SCUBE1: variants seen among roughly 807,000 people sequenced by gnomAD.
The protein encoded by SCUBE1 is signal peptide, CUB domain and EGF like domain containing 1, also known as signal peptide, CUB and EGF-like domain-containing protein 1.
Under a neutral mutation model 124.4 loss-of-function variants are expected in SCUBE1, and 59 were observed. That is an observed-to-expected ratio of 0.47 (90% CI 0.38 to 0.59). The LOEUF is 0.59. SCUBE1 is among the 20% of genes least tolerant of loss of function. SCUBE1 has a pLI of 0.00. For synonymous variants in SCUBE1, 545 were observed against 550.9 expected, an observed-to-expected ratio of 0.99 and a Z score of 0.15; for missense variants, 1,150 against 1,371.2, an observed-to-expected ratio of 0.84 and a Z score of 2.55.
chr22:43,336,953 ATGTC>A (rs927838491), intron 2 of SCUBE1, among the ~76,000 whole-genome samples: 2 of 142,660 alleles, frequency 1.4e-5, no homozygotes, highest in African/African-American at 5.4e-5. Flanking sequence ...GTCTGTGTGT[ATGTC>A]TGTGTGTGTG....
At chr22:43,249,841 G>T (rs1019149534) in intron 6 of SCUBE1, among the ~76,000 whole-genome samples, 19 of 152,238 alleles carry the variant, frequency 1.2e-4, no homozygotes, top group Admixed American at 7.8e-4. Flanking sequence ...GATGGCTGGG[G>T]AGACAGGTCT....
chr22:43,335,756 G>A (rs1041627311), intron 2 of SCUBE1, among the ~76,000 whole-genome samples: 18 of 151,638 alleles, frequency 1.2e-4, no homozygotes, highest in African/African-American at 3.6e-4. Context: ...TGATGATGAT[G>A]ATGATGATGG....
At position 43,210,873 on chromosome 22, in the gene SCUBE1, C is replaced by CT. The variant is rs1448701307; in HGVS notation, c.2383+48_2383+49insA. On this transcript the variant is annotated intron_variant, in intron 18 of 21. Transcript: ENST00000360835. The surrounding 1 kb of genome is among the most constrained non-coding windows in gnomAD (Gnocchi z 4.5). ...TCTCCTCCCGCCCCCACAACCTGCCCAGCCCCTCCCGTGTTCCCAGCTTCC... is the reference window on the plus strand; with the variant it reads ...TCTCCTCCCGCCCCCACAACCTGCCCTAGCCCCTCCCGTGTTCCCAGCTTCC... The CT allele has an allele frequency of 8.1e-6, 13 of 1,608,612 alleles. No homozygotes were observed. The highest frequency in any genetic ancestry group is 2.7e-5 in the African/African-American group (2 of 74,880).
At chr22:43,285,969 C>T (rs913817961) in intron 4 of SCUBE1, among the ~76,000 whole-genome samples, 1 of 152,210 alleles carries the variant, frequency 6.6e-6, no homozygotes, top group East Asian at 1.9e-4. Flanking sequence ...CCTCTTGATC[C>T]TCTCCCTCCC....
chr22:43,229,338 G>C, intron 8 of SCUBE1, 150 bp from the exon 9 acceptor site: 1 of 650,492 alleles, frequency 1.5e-6, no homozygotes, highest in Non-Finnish European at 2.8e-6. Flanking sequence ...CAGGAAATGG[G>C]AGACTCCTTG....
chr22:43,319,346 C>T (rs1243035255), intron 3 of SCUBE1, among the ~76,000 whole-genome samples: 1 of 151,994 alleles, frequency 6.6e-6, no homozygotes, highest in Non-Finnish European at 1.5e-5. Context: ...GCAGGCGGAT[C>T]ACAAGGTCAG....
At chr22:43,325,400 G>T (rs991482069) in intron 2 of SCUBE1, among the ~76,000 whole-genome samples, 2 of 141,996 alleles carry the variant, frequency 1.4e-5, no homozygotes, top group African/African-American at 5.4e-5. Flanking sequence ...CCGAGATCGC[G>T]CCGTTGCACT....
intron 4 of SCUBE1, among the ~76,000 whole-genome samples, chr22:43,286,153 G>C (rs1202402933): frequency 6.6e-6 from 1 of 152,252 alleles, no homozygotes; most frequent in African/African-American, 2.4e-5. Flanking sequence ...ACATGAATAA[G>C]AGCCCGTGTT....
intron 6 of SCUBE1, among the ~76,000 whole-genome samples, chr22:43,242,987 C>T (rs926812186): frequency 2.0e-5 from 3 of 152,196 alleles, no homozygotes; most frequent in Non-Finnish European, 2.9e-5. Flanking sequence ...TGGAACCCAG[C>T]GCAAAATAAA....
At chr22:43,340,710 A>G (rs1927285875) in intron 1 of SCUBE1, among the ~76,000 whole-genome samples, 1 of 152,152 alleles carries the variant, frequency 6.6e-6, no homozygotes, top group Admixed American at 6.5e-5. Flanking sequence ...ACACAGAATG[A>G]GCTTTCCTAT....
chr22:43,342,269 G>A (rs1455347826), intron 1 of SCUBE1, among the ~76,000 whole-genome samples: 1 of 151,726 alleles, frequency 6.6e-6, no homozygotes, highest in Non-Finnish European at 1.5e-5. Flanking sequence ...GAGGGTGGGG[G>A]GGTCCCCGTG....
Position 43,210,006 on chromosome 22 carries a change from C to G in SCUBE1, c.2581+37G>C. On this transcript the variant is annotated intron_variant, in intron 19 of 21. Transcript: ENST00000360835. The surrounding 1 kb of genome is among the most constrained non-coding windows in gnomAD (Gnocchi z 4.5). ...CAGCGAGACGGGGGTGCACACGCAG[C>G]TGAGGCTGCCTCTGGTCCCCTCGGC... The G allele has an allele frequency of 6.4e-7, 1 of 1,558,346 alleles. No individual in the cohort carries two copies. Among genetic ancestry groups the G allele is most frequent in the Non-Finnish European group, 8.7e-7 (1 of 1,149,344 alleles).
At chr22:43,236,096 G>A (rs149117715) in intron 7 of SCUBE1, among the ~76,000 whole-genome samples, 357 of 152,280 alleles carry the variant, frequency 2.3e-3, no homozygotes, top group Non-Finnish European at 3.0e-3. Context: ...CAGAAAACGT[G>A]GAGCCTTTGA....
At position 43,285,035 on chromosome 22, in the gene SCUBE1, C is replaced by A. The variant is rs370174713; in HGVS notation, c.484+6011G>T. The stretch of plus-strand genomic sequence containing the variant: ...AGAAGGTGAAACGCACTTGGGTAAA[C>A]TCATGCAGTCCTTGCGGGGAGAACC... On this transcript the variant is annotated intron_variant, in intron 4 of 21. Coordinates refer to ENST00000360835, the MANE Select transcript of SCUBE1 (RefSeq NM_173050.5). 3.3e-5 allele frequency among the ~76,000 whole-genome samples: 5 copies of A among 152,286 alleles called. No individual in the cohort carries two copies. The South Asian group carries it at 6.2e-4, about 19-fold the overall frequency.
rs1921019953 is a variant in SCUBE1, at chr22:43,201,807, T to C, written c.*2190A>G. The stretch of plus-strand genomic sequence containing the variant: ...CTGTATCCTCTGGGTTCTGATTCTC[T>C]GGAGAACACTCGTGAAGAGGCGACA... On this transcript the variant is annotated 3_prime_UTR_variant, in exon 22 of 22. Coordinates refer to ENST00000360835, the MANE Select transcript of SCUBE1 (RefSeq NM_173050.5). The C allele has an allele frequency of 6.6e-6, 1 of 152,258 alleles. No individual in the cohort carries two copies. Among genetic ancestry groups the C allele is most frequent in the Non-Finnish European group, 1.5e-5 (1 of 68,052 alleles). 9.4% of individuals were successfully genotyped at this position (152,258 alleles called of 1,614,324 possible).
At chr22:43,250,765 C>A (rs1429086364) in intron 6 of SCUBE1, among the ~76,000 whole-genome samples, 2 of 152,216 alleles carry the variant, frequency 1.3e-5, no homozygotes, top group Non-Finnish European at 2.9e-5. Context: ...CCCTAGCCTG[C>A]AGCTCAGGCC....
intron 3 of SCUBE1, among the ~76,000 whole-genome samples, chr22:43,316,389 T>C (rs1276572961): frequency 6.6e-6 from 1 of 152,236 alleles, no homozygotes; most frequent in African/African-American, 2.4e-5. Flanking sequence ...GTCGGCTCTG[T>C]CTTCACTGAC....
chr22:43,316,466 C>A (rs1168110236), intron 3 of SCUBE1, among the ~76,000 whole-genome samples: 1 of 152,210 alleles, frequency 6.6e-6, no homozygotes, highest in East Asian at 1.9e-4. Flanking sequence ...GAAAGCCAAG[C>A]ACTTATGTTT....
At chr22:43,337,072 C>A (rs1042083049) in intron 2 of SCUBE1, among the ~76,000 whole-genome samples, 1 of 152,036 alleles carries the variant, frequency 6.6e-6, no homozygotes, top group African/African-American at 2.4e-5. Context: ...ATAGGGAGAC[C>A]CCTGGCAGTT....
Sources: gnomAD v4.1 joint callset for allele counts (sites outside exome capture counted in the v4.1 genomes callset) on GRCh38, gnomAD v4.1.1 for gene constraint, Gnocchi (gnomAD v3.1) non-coding constraint, MANE v1.5 for transcripts, NCBI Gene and HGNC (gene_info 2026-07-23, HGNC 2026-07-21) for gene names.